EIF3H: variants seen among roughly 807,000 people sequenced by gnomAD.
EIF3H encodes eukaryotic translation initiation factor 3 subunit H, also known as eIF-3-gamma.
A neutral mutation model predicts 44.2 loss-of-function variants in EIF3H; 26 were observed. The ratio of observed to expected loss-of-function variants is 0.59; its 90% CI spans 0.43 to 0.82. EIF3H has a LOEUF of 0.82. EIF3H is among the 40% of genes least tolerant of loss of function. The pLI is 0.00. For synonymous variants in EIF3H, 166 were observed against 151.9 expected, an observed-to-expected ratio of 1.09 and a Z score of -0.68; for missense variants, 359 against 432.8, an observed-to-expected ratio of 0.83 and a Z score of 1.51.
chr8:116,679,757 A>G (rs1231403597), intron 2 of EIF3H, among the ~76,000 whole-genome samples: 1 of 8,718 alleles, frequency 1.1e-4, no homozygotes, highest in African/African-American at 6.6e-4. Context: ...TCCGGGAGGG[A>G]GGTGGGGGGG....
At chr8:116,734,564 GTT>G (rs956443831) in intron 1 of EIF3H, among the ~76,000 whole-genome samples, 34 of 152,172 alleles carry the variant, frequency 2.2e-4, no homozygotes, top group African/African-American at 7.2e-4. Flanking sequence ...GCAGAAAGTT[GTT>G]TGTTTTTGAG....
intron 2 of EIF3H, among the ~76,000 whole-genome samples, chr8:116,712,989 A>C (rs1814599332): frequency 6.6e-6 from 1 of 152,178 alleles, no homozygotes; most frequent in South Asian, 2.1e-4. Context: ...ATCTTTGGTT[A>C]CATACTGTAA....
intron 2 of EIF3H, among the ~76,000 whole-genome samples, chr8:116,696,442 A>G (rs1288997137): frequency 6.6e-6 from 1 of 152,204 alleles, no homozygotes; most frequent in African/African-American, 2.4e-5. Flanking sequence ...AAATTTCTTA[A>G]AAGAGAATAG....
At chr8:116,682,428 C>T (rs1026409703) in intron 2 of EIF3H, among the ~76,000 whole-genome samples, 2 of 152,200 alleles carry the variant, frequency 1.3e-5, no homozygotes, top group South Asian at 2.1e-4. Flanking sequence ...TACTTTTACA[C>T]AGGCAATGTT....
At chr8:116,706,652 A>C (rs1023301804) in intron 2 of EIF3H, among the ~76,000 whole-genome samples, 1 of 152,182 alleles carries the variant, frequency 6.6e-6, no homozygotes, top group Non-Finnish European at 1.5e-5. Flanking sequence ...CTTGTGCCTC[A>C]GCCTCACGAG....
intron 2 of EIF3H, among the ~76,000 whole-genome samples, chr8:116,698,865 A>G (rs565768079): frequency 1.5e-3 from 231 of 152,294 alleles, no homozygotes; most frequent in South Asian, 2.1e-3. Flanking sequence ...ATTTATATAT[A>G]GGCAGAGTGC....
intron 1 of EIF3H, among the ~76,000 whole-genome samples, chr8:116,743,806 A>ATATATATAT (rs1815180907): frequency 5.8e-5 from 1 of 17,198 alleles, no homozygotes; most frequent in Non-Finnish European, 1.3e-4. Context: ...ATAAACACAC[A>ATATATATAT]CACACACACA....
intron 2 of EIF3H, among the ~76,000 whole-genome samples, chr8:116,675,645 T>C (rs909409492): frequency 1.3e-5 from 2 of 152,152 alleles, no homozygotes; most frequent in South Asian, 2.1e-4. Context: ...AATAAAACAG[T>C]GCTATGTTAC....
chr8:116,731,299 C>T (rs1032650984), intron 1 of EIF3H, among the ~76,000 whole-genome samples: 2 of 152,134 alleles, frequency 1.3e-5, no homozygotes, highest in African/African-American at 2.4e-5. Context: ...TATACTAATG[C>T]GTGAGCACAC....
rs1813273587 is a variant in EIF3H at position 116,644,848 on chromosome 8, T to A, written c.*158A>T. 7.1e-6 allele frequency: 4 copies of A among 563,486 alleles called. 1 individual carries two copies. The South Asian group carries it at 1.1e-4, about 16-fold the overall frequency. The allele number at this position is 563,486 out of a possible 1,614,324, so 34.9% of individuals were successfully genotyped here. ...AGCAAGCAGTCAAGATTTTGTTTTA[T>A]TTTATTATGGCTAGAAAGACACTGT... On this transcript the variant is annotated 3_prime_UTR_variant, in exon 8 of 8. Coordinates refer to ENST00000521861, the MANE Select transcript of EIF3H (RefSeq NM_003756.3).
chr8:116,663,487 G>A (rs1402405037), intron 2 of EIF3H, among the ~76,000 whole-genome samples: 2 of 152,176 alleles, frequency 1.3e-5, no homozygotes, highest in African/African-American at 4.8e-5. Flanking sequence ...TGAATGGCAA[G>A]AGGATAATCC....
At chr8:116,708,794 C>T (rs949935884) in intron 2 of EIF3H, among the ~76,000 whole-genome samples, 1 of 151,942 alleles carries the variant, frequency 6.6e-6, no homozygotes, top group Non-Finnish European at 1.5e-5. Flanking sequence ...ACCAAACATC[C>T]TTATGGTACT....
chr8:116,662,667 C>T (rs1025964794), intron 2 of EIF3H, among the ~76,000 whole-genome samples: 5 of 152,120 alleles, frequency 3.3e-5, no homozygotes, highest in Admixed American at 1.3e-4. Context: ...AAAGCCAACT[C>T]CTGCAAAAGC....
intron 1 of EIF3H, among the ~76,000 whole-genome samples, chr8:116,733,535 T>C (rs1468763169): frequency 6.6e-6 from 1 of 152,128 alleles, no homozygotes; most frequent in Non-Finnish European, 1.5e-5. Context: ...TCCTAAAGGT[T>C]TGGGGAACAG....
intron 1 of EIF3H, among the ~76,000 whole-genome samples, chr8:116,739,730 T>C (rs187816589): frequency 1.3e-5 from 2 of 152,338 alleles, no homozygotes; most frequent in African/African-American, 4.8e-5. Flanking sequence ...GTGAGACCCC[T>C]GATTTCCCAC....
At chr8:116,664,951 C>T (rs922812295) in intron 2 of EIF3H, among the ~76,000 whole-genome samples, 13 of 152,158 alleles carry the variant, frequency 8.5e-5, no homozygotes, top group Non-Finnish European at 2.9e-5. Flanking sequence ...TTATGTCAGA[C>T]TTCCTGCTAA....
chr8:116,739,942 C>G (rs946753887), intron 1 of EIF3H, among the ~76,000 whole-genome samples: 1 of 152,082 alleles, frequency 6.6e-6, no homozygotes, highest in Non-Finnish European at 1.5e-5. Flanking sequence ...CACAGACCAA[C>G]ACTTTAGTAA....
intron 1 of EIF3H, among the ~76,000 whole-genome samples, chr8:116,755,263 A>G (rs1815420384): frequency 6.6e-6 from 1 of 152,186 alleles, no homozygotes; most frequent in Non-Finnish European, 1.5e-5. Flanking sequence ...AACGTTATAG[A>G]TGTCAGATCC....
chr8:116,714,759 C>A (rs909698983), intron 2 of EIF3H, among the ~76,000 whole-genome samples: 1 of 152,066 alleles, frequency 6.6e-6, no homozygotes, highest in East Asian at 1.9e-4. Flanking sequence ...CAGACCACAA[C>A]GATCACTGAC....
Sources: gnomAD v4.1 joint callset for allele counts (sites outside exome capture counted in the v4.1 genomes callset) on GRCh38, gnomAD v4.1.1 for gene constraint, MANE v1.5 for transcripts, NCBI Gene and HGNC (gene_info 2026-07-23, HGNC 2026-07-21) for gene names.